The following RAC1 variants were observed in gnomAD, a reference collection of about 807,000 sequenced individuals.
RAC1 encodes the protein ras-related C3 botulinum toxin substrate 1.
RAC1 carries 2 observed loss-of-function variants against 25.2 expected under a neutral mutation model. The observed-to-expected ratio is 0.08, with a 90% CI of 0.03 to 0.25. The LOEUF is 0.25. Ranked by LOEUF, RAC1 falls within the 10% of genes least tolerant of loss-of-function variation. The pLI is 1.00. For synonymous variants in RAC1, 88 were observed against 94.0 expected (o/e 0.94, Z 0.37); for missense variants, 50 against 235.7 (o/e 0.21, Z 5.16).
Position 6,382,169 on chromosome 7 carries a change from A to G in RAC1, c.36-5043A>G, listed in dbSNP as rs140597246. On this transcript the variant is annotated intron_variant, in intron 1 of 5. Coordinates refer to ENST00000348035, the MANE Select transcript of RAC1 (RefSeq NM_006908.5). Reference sequence around the variant, plus strand: ...CCACCACACTCAGCTAATTTTTTGTATTTTTAATAGAGATGCAGTTTCGCT... The same window carrying G: ...CCACCACACTCAGCTAATTTTTTGTGTTTTTAATAGAGATGCAGTTTCGCT... Among the ~76,000 whole-genome samples, 385 of 151,924 alleles carry G rather than the reference A, an allele frequency of 2.5e-3. 3 individuals carry two copies. Among genetic ancestry groups the G allele is most frequent in the South Asian group, 0.01 (49 of 4,814 alleles).
At chr7:6,402,238 G>A (rs1349252221) in intron 5 of RAC1, 78 bp from the exon 6 acceptor site, 2 of 1,525,742 alleles carry the variant, frequency 1.3e-6, no homozygotes, top group East Asian at 4.6e-5. Flanking sequence ...CGGGCCCCAG[G>A]AGCTGCCTCC....
rs538504690 is a variant in RAC1 at position 6,384,676 on chromosome 7, G to T, written c.36-2536G>T. On this transcript the variant is annotated intron_variant, in intron 1 of 5. Coordinates refer to ENST00000348035, the MANE Select transcript of RAC1 (RefSeq NM_006908.5). ...TGTGGAAACAAGGTCTCCCTATGTT[G>T]CCCAGGCTGGTCTTGAACTCCTGGG... Among the ~76,000 whole-genome samples, 3 of 152,202 alleles carry T rather than the reference G, an allele frequency of 2.0e-5. No individual in the cohort carries two copies. The South Asian group carries it at 6.2e-4, about 32-fold the overall frequency.
At chr7:6,374,814 C>T in intron 1 of RAC1, 44 bp downstream of exon 1, 2 of 1,096,778 alleles carry the variant, frequency 1.8e-6, no homozygotes, top group Non-Finnish European at 2.2e-6. Flanking sequence ...CGGGATCGGG[C>T]GCGGAGGGGG....
At position 6,403,528 on chromosome 7, in the gene RAC1, A is replaced by T. The variant is rs1422723721; in HGVS notation, c.*1082A>T. On this transcript the variant is annotated 3_prime_UTR_variant, in exon 6 of 6. Coordinates refer to ENST00000348035, the MANE Select transcript of RAC1 (RefSeq NM_006908.5). ...AAGTGCTTTCCATGTTACTTTATTC[A>T]GAGCTAATAAGTGCTTTCCTTAGTT... The T allele has an allele frequency of 4.6e-6, 1 of 219,566 alleles. No individual in the cohort carries two copies. The highest frequency in any genetic ancestry group is 2.2e-5 in the African/African-American group (1 of 44,628). The allele number at this position is 219,566 out of a possible 1,614,324, so 13.6% of individuals were successfully genotyped here.
intron 3 of RAC1, among the ~76,000 whole-genome samples, chr7:6,393,873 T>C (rs1167801341): frequency 6.6e-6 from 1 of 152,104 alleles, no homozygotes; most frequent in Admixed American, 6.6e-5. Context: ...GATAAGGAAA[T>C]TATCTTGACA....
At position 6,402,386 on chromosome 7, in the gene RAC1, C is replaced by T. The variant is rs2115218694; in HGVS notation, c.519C>T (p.Ile173=). The change falls in exon 6 of 6, where the codon ATC becomes ATT. Residue 173 remains isoleucine, a synonymous_variant. Transcript: ENST00000348035. ...TCAAGACAGTGTTTGACGAAGCGATCCGAGCAGTCCTCTGCCCGCCTCCCG... is the reference window on the plus strand; with the variant it reads ...TCAAGACAGTGTTTGACGAAGCGATTCGAGCAGTCCTCTGCCCGCCTCCCG... ...RGLKTVFDEA[I]RAVLCPPPVK... is the part of the protein sequence containing the mutation. 1.2e-6 allele frequency: 2 copies of T among 1,611,626 alleles called. No homozygotes were observed. Among genetic ancestry groups the T allele is most frequent in the Non-Finnish European group, 1.7e-6 (2 of 1,179,642 alleles).
chr7:6,376,277 G>T (rs1373288066), intron 1 of RAC1, among the ~76,000 whole-genome samples: 3 of 134,100 alleles, frequency 2.2e-5, no homozygotes, highest in African/African-American at 8.6e-5. Flanking sequence ...CCGCCTCCCA[G>T]GTTCAAGCGA....
intron 2 of RAC1, chr7:6,391,555 A>G (rs1783093554): frequency 1.6e-5 from 4 of 247,126 alleles, no homozygotes; most frequent in South Asian, 1.1e-4. Flanking sequence ...AAAATGAGCA[A>G]CATAAGTACA....
At chr7:6,375,091 T>C (rs1223854312) in intron 1 of RAC1, among the ~76,000 whole-genome samples, 2 of 151,936 alleles carry the variant, frequency 1.3e-5, no homozygotes, top group African/African-American at 2.4e-5. Flanking sequence ...GAGCAAGCGC[T>C]CTTGGAGATT....
chr7:6,385,513 A>AT (rs1782901754), intron 1 of RAC1, among the ~76,000 whole-genome samples: 2 of 152,144 alleles, frequency 1.3e-5, no homozygotes, highest in South Asian at 4.1e-4. Context: ...ATACAGGTTT[A>AT]TTTTCACATT....
intron 1 of RAC1, among the ~76,000 whole-genome samples, chr7:6,378,788 C>A (rs765530174): frequency 1.6e-4 from 24 of 151,916 alleles, no homozygotes; most frequent in Non-Finnish European, 3.1e-4. Flanking sequence ...CTCAGCTTTT[C>A]CTAGGTAAGA....
At chr7:6,392,151 T>G in intron 3 of RAC1, 110 bp downstream of exon 3, 1 of 1,555,994 alleles carries the variant, frequency 6.4e-7, no homozygotes, top group Non-Finnish European at 8.7e-7. Flanking sequence ...ATTTGGGTAT[T>G]GAGTAAATAG....
intron 1 of RAC1, among the ~76,000 whole-genome samples, chr7:6,385,786 T>C (rs554483341): frequency 1.3e-5 from 2 of 152,268 alleles, no homozygotes; most frequent in African/African-American, 4.8e-5. Flanking sequence ...GTAGTTGAGA[T>C]TGAACGACAA....
In RAC1 at chr7:6,398,732, T is replaced by G. The variant is rs200639704; in HGVS notation, c.226-1394T>G. The G allele has an allele frequency of 2.1e-3, 3,404 of 1,610,218 alleles. 7 individuals are homozygous for G. The highest frequency in any genetic ancestry group is 2.7e-3 in the Non-Finnish European group (3,122 of 1,176,758). Reference sequence around the variant, plus strand: ...AAGCCGATTGCCGTATGTAAAACTTTCAGTCCACTTCAGTTTCAAGCTTTC... The same window carrying G: ...AAGCCGATTGCCGTATGTAAAACTTGCAGTCCACTTCAGTTTCAAGCTTTC... On this transcript the variant is annotated intron_variant, in intron 3 of 5. Transcript: ENST00000348035.
intron 5 of RAC1, 37 bp downstream of exon 5, chr7:6,402,064 C>CT (rs1562471184): frequency 1.8e-5 from 29 of 1,595,546 alleles, no homozygotes; most frequent in Non-Finnish European, 2.4e-5. Context: ...CCTTGTACCT[C>CT]TTTTATTGTA....
intron 1 of RAC1, among the ~76,000 whole-genome samples, chr7:6,376,171 T>G (rs1782586421): frequency 7.2e-6 from 1 of 138,134 alleles, no homozygotes; most frequent in African/African-American, 2.7e-5. Context: ...TGTAGGCTAT[T>G]CAGGCTTTTT....
At chr7:6,389,287 G>T (rs1369383426) in intron 2 of RAC1, among the ~76,000 whole-genome samples, 2 of 151,836 alleles carry the variant, frequency 1.3e-5, no homozygotes, top group African/African-American at 4.8e-5. Flanking sequence ...TGCTGGCCTT[G>T]ACTTAAGTGG....
In RAC1 at chr7:6,383,681, AAG is replaced by A. The variant is rs372836793; in HGVS notation, c.36-3529_36-3528del. ...ATAGAGACTTAGGACAGAATAGTAA[AAG>A]AAGTGATAATGACATTTTATCATAA... On this transcript the variant is annotated intron_variant, in intron 1 of 5. Coordinates refer to ENST00000348035, the MANE Select transcript of RAC1 (RefSeq NM_006908.5). Among the ~76,000 whole-genome samples the A allele has an allele frequency of 3.7e-4, 57 of 152,092 alleles. No individual in the cohort carries two copies. The South Asian group carries it at 7.1e-3, about 19-fold the overall frequency.
rs1307060306 is a variant in RAC1, at chr7:6,374,892, G to T, written c.35+122G>T. ...GGTCTCGCGTAGGCGGTGGGCCTGG[G>T]CCTGTGTCGCGGGGCGGGGGCCGCG... is the stretch of plus-strand genomic sequence containing the variant. On this transcript the variant is annotated intron_variant, in intron 1 of 5. Transcript: ENST00000348035. 6.0e-6 allele frequency: 5 copies of T among 836,356 alleles called. No individual in the cohort carries two copies. In the East Asian group the frequency reaches 3.6e-4, roughly 60 times the overall value. The allele number at this position is 836,356 out of a possible 1,614,324, so 51.8% of individuals were successfully genotyped here. A position where few individuals can be genotyped will look rare whatever the true frequency, so the allele number is the denominator to read the frequency against.
Sources: allele counts gnomAD v4.1 joint callset (sites outside exome capture counted in the v4.1 genomes callset), GRCh38; gene constraint gnomAD v4.1.1; transcripts MANE v1.5; gene names NCBI Gene and HGNC (gene_info 2026-07-23, HGNC 2026-07-21).